LIPC: variants seen among roughly 807,000 people sequenced by gnomAD.
The protein encoded by LIPC is hepatic triacylglycerol lipase.
In LIPC, 44 loss-of-function variants were observed where a neutral mutation model predicts 50.7. The ratio of observed to expected loss-of-function variants is 0.87; its 90% CI spans 0.68 to 1.11. The LOEUF is 1.11. Ranked by LOEUF, LIPC falls within the 50% of genes most tolerant of loss-of-function variation. The probability of loss-of-function intolerance (pLI) is 0.00; values close to 1 mark genes in which losing one functional copy is unlikely to be tolerated. For missense variants in LIPC, 697 were observed against 648.2 expected (o/e 1.08, Z -0.82); for synonymous variants, 271 against 256.4 (o/e 1.06, Z -0.54).
chr15:58,538,119 T>A (rs1038760719), intron 1 of LIPC, among the ~76,000 whole-genome samples: 6 of 152,082 alleles, frequency 3.9e-5, no homozygotes, highest in Non-Finnish European at 7.4e-5. Context: ...GGCTAGAGGA[T>A]CTGGTGATCT....
intron 1 of LIPC, chr15:58,498,578 A>T (rs1234527156): frequency 1.3e-5 from 2 of 152,264 alleles, no homozygotes; most frequent in African/African-American, 4.8e-5. Context: ...ATTAGGGGGT[A>T]AAAATGTCTA....
chr15:58,547,632 TAA>T (rs60995762), intron 5 of LIPC, among the ~76,000 whole-genome samples: 60 of 140,894 alleles, frequency 4.3e-4, no homozygotes, highest in Non-Finnish European at 4.5e-4. Flanking sequence ...TTTGGAGAGT[TAA>T]AAAAAAAAAA....
chr15:58,465,320 T>C (rs1894511259), intron 1 of LIPC, among the ~76,000 whole-genome samples: 1 of 152,220 alleles, frequency 6.6e-6, no homozygotes, highest in African/African-American at 2.4e-5. Context: ...TTGGTACCTC[T>C]TATGAAAGCC....
chr15:58,541,509 G>A (rs1481612197), intron 2 of LIPC, among the ~76,000 whole-genome samples: 1 of 151,944 alleles, frequency 6.6e-6, no homozygotes, highest in Non-Finnish European at 1.5e-5. Flanking sequence ...GGAACGTTTG[G>A]AAAAATCTGG....
At chr15:58,490,104 T>C (rs1253764223) in intron 1 of LIPC, among the ~76,000 whole-genome samples, 1 of 152,252 alleles carries the variant, frequency 6.6e-6, no homozygotes, top group Non-Finnish European at 1.5e-5. Context: ...CAGGATTTAC[T>C]ATTCAGCACA....
Position 58,538,408 on chromosome 15 carries a change from T to C in LIPC, c.164T>C (p.Phe55Ser). 3 of 1,614,182 alleles carry C rather than the reference T, an allele frequency of 1.9e-6. No individual in the cohort carries two copies. The highest frequency in any genetic ancestry group is 2.5e-6 in the Non-Finnish European group (3 of 1,180,024). Reference sequence around the variant, plus strand: ...GAGATGAAGACCAGATTCCTGCTCTTTGGAGAAACCAATCAGGGCTGTCAG... The same window carrying C: ...GAGATGAAGACCAGATTCCTGCTCTCTGGAGAAACCAATCAGGGCTGTCAG... The part of the protein sequence containing the change: ...LHEMKTRFLL[F>S]GETNQGCQIR... The change falls in exon 2 of 9, where the codon TTT (phenylalanine) becomes TCT (serine). Residue 55 changes from phenylalanine (F) to serine (S), a missense_variant. Coordinates refer to ENST00000299022, the MANE Select transcript of LIPC (RefSeq NM_000236.3).
chr15:58,502,462 C>T (rs746858688), intron 1 of LIPC, among the ~76,000 whole-genome samples: 19 of 151,510 alleles, frequency 1.3e-4, no homozygotes, highest in South Asian at 2.1e-4. Context: ...TAGCTCCTAC[C>T]GTTGGGTTGG....
At chr15:58,466,230 C>T (rs1220216069) in intron 1 of LIPC, among the ~76,000 whole-genome samples, 4 of 152,204 alleles carry the variant, frequency 2.6e-5, no homozygotes, top group African/African-American at 9.7e-5. Context: ...ACCATTTGGT[C>T]AACTTTCCAC....
At chr15:58,438,076 G>T (rs1176872987) in intron 1 of LIPC, among the ~76,000 whole-genome samples, 3 of 152,148 alleles carry the variant, frequency 2.0e-5, no homozygotes, top group Non-Finnish European at 4.4e-5. Context: ...TCTGTAAGCT[G>T]ACCCGAAAAC....
At chr15:58,518,292 T>G (rs1892544425) in intron 1 of LIPC, among the ~76,000 whole-genome samples, 1 of 152,198 alleles carries the variant, frequency 6.6e-6, no homozygotes, top group Non-Finnish European at 1.5e-5. Flanking sequence ...ACCCCTCAGT[T>G]GAAAACCACT....
chr15:58,566,125 A>T, intron 8 of LIPC: 1 of 977,668 alleles, frequency 1.0e-6, no homozygotes, highest in Non-Finnish European at 1.2e-6. Flanking sequence ...TGCATTTCTA[A>T]CAAGCGACCA....
At chr15:58,441,163 C>T (rs1893495908) in intron 1 of LIPC, among the ~76,000 whole-genome samples, 1 of 152,240 alleles carries the variant, frequency 6.6e-6, no homozygotes, top group Admixed American at 6.5e-5. Context: ...CTCACCTGGC[C>T]CTACACCCGC....
At chr15:58,510,162 A>G (rs780625994) in intron 1 of LIPC, among the ~76,000 whole-genome samples, 8 of 152,222 alleles carry the variant, frequency 5.3e-5, no homozygotes, top group Admixed American at 1.3e-4. Flanking sequence ...CACAATAGAC[A>G]AGGACACAGC....
chr15:58,560,825 A>C (rs761311009), intron 6 of LIPC, 39 bp from the exon 7 acceptor site: 3 of 847,814 alleles, frequency 3.5e-6, no homozygotes, highest in East Asian at 4.9e-5. Flanking sequence ...ATCACTGCTT[A>C]AATTATCTCT....
At chr15:58,476,502 A>G (rs1595881909) in intron 1 of LIPC, among the ~76,000 whole-genome samples, 1 of 152,234 alleles carries the variant, frequency 6.6e-6, no homozygotes, top group African/African-American at 2.4e-5. Context: ...CCCCTCCTGC[A>G]TGCAGCTGGG....
intron 2 of LIPC, among the ~76,000 whole-genome samples, chr15:58,541,346 G>C (rs1345471844): frequency 2.0e-5 from 3 of 152,126 alleles, no homozygotes; most frequent in African/African-American, 7.2e-5. Flanking sequence ...GGTGAGGTGG[G>C]GCAGCTGCAC....
intron 1 of LIPC, among the ~76,000 whole-genome samples, chr15:58,514,960 C>T (rs1476831013): frequency 6.6e-6 from 1 of 152,204 alleles, no homozygotes; most frequent in African/African-American, 2.4e-5. Context: ...AAGGTGTCAA[C>T]AGAACTGTGT....
intron 1 of LIPC, among the ~76,000 whole-genome samples, chr15:58,451,290 T>C (rs917130592): frequency 6.6e-6 from 1 of 152,182 alleles, no homozygotes; most frequent in Non-Finnish European, 1.5e-5. Context: ...CGTTGAGACT[T>C]TGGGTCACAA....
chr15:58,509,441 T>A (rs1892264998), intron 1 of LIPC, among the ~76,000 whole-genome samples: 1 of 152,218 alleles, frequency 6.6e-6, no homozygotes, highest in African/African-American at 2.4e-5. Context: ...GGTTACTCTC[T>A]CTGAGTCTCA....
Sources: gnomAD v4.1 joint callset for allele counts (sites outside exome capture counted in the v4.1 genomes callset) on GRCh38, gnomAD v4.1.1 for gene constraint, MANE v1.5 for transcripts, NCBI Gene and HGNC (gene_info 2026-07-23, HGNC 2026-07-21) for gene names.